Variants in FMR1NB observed in about 807,000 individuals in gnomAD.
The protein encoded by FMR1NB is FMR1 neighbor.
In FMR1NB, 10 loss-of-function variants were observed where a neutral mutation model predicts 16.8. The ratio of observed to expected loss-of-function variants is 0.60; its 90% CI spans 0.37 to 1.01. FMR1NB has a LOEUF of 1.01. Ranked by LOEUF, FMR1NB falls within the 50% of genes least tolerant of loss-of-function variation. FMR1NB has a pLI of 0.01. For missense variants in FMR1NB, 205 were observed against 204.8 expected, an observed-to-expected ratio of 1.00 and a Z score of 0.00; for synonymous variants, 83 against 79.1, an observed-to-expected ratio of 1.05 and a Z score of -0.26.
intron 1 of FMR1NB, among the ~76,000 whole-genome samples, chrX:147,993,694 A>G (rs781987672): frequency 2.8e-5 from 3 of 107,398 alleles, no homozygotes; most frequent in African/African-American, 1.0e-4. Flanking sequence ...CTCTCCCTCA[A>G]ATTCCTTCTC....
intron 4 of FMR1NB, among the ~76,000 whole-genome samples, chrX:148,023,027 A>G (rs1319511286): frequency 8.9e-6 from 1 of 111,750 alleles, no homozygotes; most frequent in Admixed American, 9.5e-5. Context: ...CCTTCTAGTC[A>G]TTATTTAATT....
At chrX:148,023,146 A>G (rs1296202721) in intron 4 of FMR1NB, among the ~76,000 whole-genome samples, 2 of 111,734 alleles carry the variant, frequency 1.8e-5, no homozygotes, top group Admixed American at 1.9e-4. Context: ...ATATCGTGTC[A>G]TATTACCTTT....
chrX:148,018,162 T>C (rs1358313521), intron 4 of FMR1NB, among the ~76,000 whole-genome samples: 1 of 110,386 alleles, frequency 9.1e-6, no homozygotes, highest in Non-Finnish European at 1.9e-5. Flanking sequence ...ACCAACAGTG[T>C]GAAAGTGTTC....
chrX:148,005,447 T>A (rs781837471), intron 2 of FMR1NB, among the ~76,000 whole-genome samples: 1 of 110,979 alleles, frequency 9.0e-6, no homozygotes, highest in Non-Finnish European at 1.9e-5. Context: ...AACTGAACAC[T>A]TGATGCAATC....
At position 147,981,616 on chromosome X, in the gene FMR1NB, C is replaced by G. The variant is rs139069907; in HGVS notation, c.214C>G (p.Leu72Val). 2 of 1,210,509 alleles carry G rather than the reference C, an allele frequency of 1.7e-6. No homozygotes were observed. The highest frequency in any genetic ancestry group is 2.2e-6 in the Non-Finnish European group (2 of 895,165). The change falls in exon 1 of 6, where the codon CTC becomes GTC. Residue 72 changes from leucine (L) to valine (V), a missense_variant. Coordinates refer to ENST00000370467, the MANE Select transcript of FMR1NB (RefSeq NM_152578.3). Reference sequence around the variant, plus strand: ...GCGGGTCAGCAAACCCTTTGGGATGCTCATGCTCTCCATTTGGATCCTGCT... The same window carrying G: ...GCGGGTCAGCAAACCCTTTGGGATGGTCATGCTCTCCATTTGGATCCTGCT... ...KMRVSKPFGM[L>V]MLSIWILLFV...
At chrX:147,993,109 C>T (rs1557187881) in intron 1 of FMR1NB, among the ~76,000 whole-genome samples, 1 of 110,138 alleles carries the variant, frequency 9.1e-6, no homozygotes, top group African/African-American at 3.3e-5. Context: ...CACGCCACTG[C>T]ACTCCAGCCT....
intron 3 of FMR1NB, chrX:148,008,014 C>G (rs1569546696): frequency 8.9e-6 from 1 of 112,147 alleles, no homozygotes; most frequent in Non-Finnish European, 1.9e-5. Flanking sequence ...AATGCATTTT[C>G]CGATGAATAT....
chrX:147,987,027 G>A (rs1180675935), intron 1 of FMR1NB, among the ~76,000 whole-genome samples: 7 of 110,935 alleles, frequency 6.3e-5, no homozygotes, highest in African/African-American at 1.6e-4. Flanking sequence ...TCCTTGAAGA[G>A]GTCCTTCATG....
intron 5 of FMR1NB, among the ~76,000 whole-genome samples, chrX:148,025,287 A>G (rs1002579331): frequency 2.7e-5 from 3 of 111,066 alleles, no homozygotes; most frequent in Non-Finnish European, 5.7e-5. Context: ...GATCCTGCCC[A>G]CTCTGACTCT....
At chrX:148,025,405 A>C (rs5904843) in intron 5 of FMR1NB, among the ~76,000 whole-genome samples, 15,539 of 110,706 alleles carry the variant, frequency 0.14, 1,353 homozygotes, top group African/African-American at 0.32. Context: ...TCTGACAGAG[A>C]TGAGATTGAA....
At chrX:148,018,021 G>A (rs1311850049) in intron 4 of FMR1NB, among the ~76,000 whole-genome samples, 1 of 106,614 alleles carries the variant, frequency 9.4e-6, no homozygotes, top group African/African-American at 3.5e-5. Context: ...TGTCTTTATA[G>A]CAGCATGATT....
chrX:148,024,205 T>C (rs1379317467), intron 4 of FMR1NB, among the ~76,000 whole-genome samples: 1 of 112,106 alleles, frequency 8.9e-6, no homozygotes, highest in Non-Finnish European at 1.9e-5. Context: ...ACTAGTTATC[T>C]GTGACCTTGG....
At chrX:148,003,902 A>C (rs2044582957) in intron 2 of FMR1NB, among the ~76,000 whole-genome samples, 1 of 112,000 alleles carries the variant, frequency 8.9e-6, no homozygotes, top group Admixed American at 9.5e-5. Flanking sequence ...CCTTTCAAGG[A>C]GAAGCTTCAT....
intron 1 of FMR1NB, among the ~76,000 whole-genome samples, chrX:147,999,586 T>C (rs111471863): frequency 2.7e-4 from 30 of 111,398 alleles, no homozygotes; most frequent in African/African-American, 8.8e-4. Flanking sequence ...GGCTCCCATT[T>C]AAAGTAGCCC....
At chrX:147,982,807 C>A (rs926363620) in intron 1 of FMR1NB, among the ~76,000 whole-genome samples, 14 of 106,635 alleles carry the variant, frequency 1.3e-4, no homozygotes, top group African/African-American at 4.1e-4. Flanking sequence ...GGCCGGAGAA[C>A]GGCATGGACC....
chrX:148,023,073 G>A (rs2044687262), intron 4 of FMR1NB, among the ~76,000 whole-genome samples: 1 of 111,189 alleles, frequency 9.0e-6, no homozygotes, highest in African/African-American at 3.3e-5. Flanking sequence ...TTGCAGAAAT[G>A]TTACTGTGTT....
intron 2 of FMR1NB, among the ~76,000 whole-genome samples, chrX:148,004,698 A>G (rs2044587284): frequency 8.9e-6 from 1 of 112,431 alleles, no homozygotes; most frequent in Non-Finnish European, 1.9e-5. Flanking sequence ...TTAGGCTACT[A>G]TTTGTAAAAT....
chrX:148,005,104 G>A (rs1262703073), intron 2 of FMR1NB, among the ~76,000 whole-genome samples: 1 of 111,883 alleles, frequency 8.9e-6, no homozygotes, highest in Non-Finnish European at 1.9e-5. Flanking sequence ...TGGCCAGGAC[G>A]GTCTCGATCT....
At chrX:148,019,484 G>A (rs2044667918) in intron 4 of FMR1NB, among the ~76,000 whole-genome samples, 1 of 111,571 alleles carries the variant, frequency 9.0e-6, no homozygotes, top group African/African-American at 3.3e-5. Context: ...TCTGTGTCTG[G>A]GCATTGAAGA....
Sources: gnomAD v4.1 joint callset for allele counts (sites outside exome capture counted in the v4.1 genomes callset) on GRCh38, gnomAD v4.1.1 for gene constraint, MANE v1.5 for transcripts, NCBI Gene and HGNC (gene_info 2026-07-23, HGNC 2026-07-21) for gene names.